DENND2C: variants seen among roughly 807,000 people sequenced by gnomAD.
The protein encoded by DENND2C is DENN domain containing 2C, also known as DENN domain-containing protein 2C.
DENND2C carries 72 observed loss-of-function variants against 112.4 expected under a neutral mutation model. The ratio of observed to expected loss-of-function variants is 0.64; its 90% CI spans 0.53 to 0.78. The LOEUF (loss-of-function observed/expected upper bound fraction) is 0.78. DENND2C is among the 30% of genes least tolerant of loss of function. DENND2C has a pLI of 0.00. For synonymous variants in DENND2C, 329 were observed against 381.6 expected (o/e 0.86, Z 1.61); for missense variants, 992 against 1,113.8 (o/e 0.89, Z 1.56).
chr1:114,667,798 A>G (rs1009366002), intron 1 of DENND2C, among the ~76,000 whole-genome samples: 1 of 152,184 alleles, frequency 6.6e-6, no homozygotes, highest in Non-Finnish European at 1.5e-5. Flanking sequence ...GACTGATTTG[A>G]ATCCTACTTT....
Position 114,583,311 on chromosome 1 carries a change from ATACTG to A in DENND2C, c.*2284_*2288del, listed in dbSNP as rs1654948152. The A allele has an allele frequency of 6.6e-6, 1 of 152,234 alleles. No individual in the cohort carries two copies. Among genetic ancestry groups the A allele is most frequent in the Non-Finnish European group, 1.5e-5 (1 of 68,046 alleles). 9.4% of individuals were successfully genotyped at this position (152,234 alleles called of 1,614,324 possible). ...CATACCTGAATGGGTTGTAATGACAATACTGTACAAGTCAATAAACTGTATCACAA... is the reference window on the plus strand; with the variant it reads ...CATACCTGAATGGGTTGTAATGACAATACAAGTCAATAAACTGTATCACAA... On this transcript the variant is annotated 3_prime_UTR_variant, in exon 21 of 21. Coordinates refer to ENST00000393274, the MANE Select transcript of DENND2C (RefSeq NM_001256404.2).
At chr1:114,601,695 C>A in intron 12 of DENND2C, 110 bp from the exon 13 acceptor site, 1 of 837,874 alleles carries the variant, frequency 1.2e-6, no homozygotes, top group Non-Finnish European at 1.9e-6. Flanking sequence ...GAGCAGTAAC[C>A]AAGGCTCTCA....
At chr1:114,606,236 AAACT>A (rs1351671549) in intron 10 of DENND2C, among the ~76,000 whole-genome samples, 1 of 152,178 alleles carries the variant, frequency 6.6e-6, no homozygotes, top group Non-Finnish European at 1.5e-5. Flanking sequence ...AAAAAAAAAC[AAACT>A]ATGTAGCCAT....
At chr1:114,618,585 T>C in intron 7 of DENND2C, 103 bp from the exon 8 acceptor site, 1 of 592,204 alleles carries the variant, frequency 1.7e-6, no homozygotes, top group South Asian at 2.9e-5. Flanking sequence ...AAAAGACCTA[T>C]TTTATAAATA....
intron 5 of DENND2C, 64 bp downstream of exon 5, chr1:114,623,443 T>C: frequency 1.3e-6 from 2 of 1,508,592 alleles, no homozygotes; most frequent in South Asian, 2.4e-5. Flanking sequence ...AATACCATCC[T>C]ACAATTAAGG....
intron 8 of DENND2C, among the ~76,000 whole-genome samples, chr1:114,616,062 A>C (rs982324029): frequency 4.0e-5 from 6 of 150,074 alleles, no homozygotes; most frequent in Non-Finnish European, 8.9e-5. Flanking sequence ...GTGACAGAGC[A>C]AGACTGTCTC....
Position 114,625,274 on chromosome 1 carries a change from G to T in DENND2C, c.711C>A (p.Tyr237Ter). ...ATTGTGCACAAGAGTTATTTTCACA[G>T]TATTTTTTGTCACAGTTTCTTTCTT... ...PYKERNCDKKYCENNSCAQSS... is the reference protein window; with the variant it reads ...PYKERNCDKK The change falls in exon 4 of 21, where the codon TAC becomes TAA. Residue 237 changes from tyrosine to a stop codon, truncating the protein, a stop_gained. Transcript: ENST00000393274. LOFTEE classifies it high-confidence loss of function. The T allele has an allele frequency of 6.2e-7, 1 of 1,614,148 alleles. No individual in the cohort carries two copies. Among genetic ancestry groups the T allele is most frequent in the Non-Finnish European group, 8.5e-7 (1 of 1,180,010 alleles).
intron 3 of DENND2C, among the ~76,000 whole-genome samples, chr1:114,642,954 T>C (rs112672825): frequency 2.3e-3 from 345 of 152,322 alleles, no homozygotes; most frequent in African/African-American, 7.9e-3. Context: ...TCACTCCTTT[T>C]GTGTGCTTCT....
At chr1:114,666,190 C>T (rs1386093885) in intron 1 of DENND2C, among the ~76,000 whole-genome samples, 1 of 152,140 alleles carries the variant, frequency 6.6e-6, no homozygotes, top group Non-Finnish European at 1.5e-5. Flanking sequence ...CCTCTCCATC[C>T]CTATTACTAT....
chr1:114,594,852 C>A (rs377229315), intron 17 of DENND2C, among the ~76,000 whole-genome samples: 1 of 152,178 alleles, frequency 6.6e-6, no homozygotes, highest in East Asian at 1.9e-4. Context: ...TTATGAAGAT[C>A]ATCCACAAAT....
chr1:114,623,586 A>C lies in DENND2C; in HGVS notation c.864T>G (p.Ile288Met), dbSNP rs1167082056. The C allele has an allele frequency of 6.2e-7, 1 of 1,609,962 alleles. No individual in the cohort carries two copies. The highest frequency in any genetic ancestry group is 2.2e-5 in the East Asian group (1 of 44,496). Residue 288 changes from isoleucine (I) to methionine (M), a missense_variant, in exon 5 of 21, where the codon ATT becomes ATG. Around this residue, in one of 3 missense-constraint regions of DENND2C, gnomAD observed 470 missense variants for 472.7 expected, o/e 0.99. Coordinates refer to ENST00000393274, the MANE Select transcript of DENND2C (RefSeq NM_001256404.2). ...CAGAATTTCTTCCAAGTTCTTCACG[A>C]ATCGTCTGTGAGTTCCGATTTCGAA... Reference protein sequence around the residue: ...QHFRNRNSQTIREELGRNSGS... With the variant: ...QHFRNRNSQTMREELGRNSGS...
At chr1:114,632,560 T>C (rs887406041) in intron 3 of DENND2C, among the ~76,000 whole-genome samples, 1 of 152,158 alleles carries the variant, frequency 6.6e-6, no homozygotes, top group Non-Finnish European at 1.5e-5. Context: ...CAGTTAAACA[T>C]AAGCTGTAAA....
At chr1:114,595,023 G>A (rs2101643689) in intron 17 of DENND2C, among the ~76,000 whole-genome samples, 1 of 152,232 alleles carries the variant, frequency 6.6e-6, no homozygotes, top group Non-Finnish European at 1.5e-5. Context: ...TCAATATTCA[G>A]AATAAATGGT....
At chr1:114,648,054 C>T (rs1269013362) in intron 2 of DENND2C, among the ~76,000 whole-genome samples, 3 of 151,724 alleles carry the variant, frequency 2.0e-5, no homozygotes, top group African/African-American at 4.8e-5. Flanking sequence ...GTGATCCACC[C>T]GCCTTGGCCT....
chr1:114,646,071 C>T (rs12127229), intron 2 of DENND2C, among the ~76,000 whole-genome samples: 9,446 of 151,912 alleles, frequency 0.062, 449 homozygotes, highest in Non-Finnish European at 0.093. Flanking sequence ...GGACTACAGG[C>T]GCCCGCCACC....
intron 2 of DENND2C, among the ~76,000 whole-genome samples, chr1:114,653,348 A>G (rs1339405388): frequency 1.3e-5 from 2 of 152,064 alleles, no homozygotes; most frequent in African/African-American, 4.8e-5. Context: ...AACTCAAGCA[A>G]TCCGCCTGCC....
intron 1 of DENND2C, among the ~76,000 whole-genome samples, chr1:114,662,480 G>C (rs2101699756): frequency 6.6e-6 from 1 of 152,178 alleles, no homozygotes; most frequent in Admixed American, 6.5e-5. Flanking sequence ...CATATCCTTT[G>C]TTGTAAATAT....
chr1:114,598,870 T>C (rs1256192790), intron 16 of DENND2C, among the ~76,000 whole-genome samples: 1 of 152,090 alleles, frequency 6.6e-6, no homozygotes, highest in Non-Finnish European at 1.5e-5. Flanking sequence ...TTAGTAGAGA[T>C]GGAGTTTTAC....
chr1:114,630,735 T>C (rs188553892), intron 3 of DENND2C, among the ~76,000 whole-genome samples: 29 of 152,338 alleles, frequency 1.9e-4, no homozygotes, highest in African/African-American at 7.0e-4. Flanking sequence ...TTTGGTTGAA[T>C]ACTAAGTTGC....
Sources: allele counts gnomAD v4.1 joint callset (sites outside exome capture counted in the v4.1 genomes callset), GRCh38; gene constraint gnomAD v4.1.1; regional missense constraint gnomAD v4.1.1; transcripts MANE v1.5; gene names NCBI Gene and HGNC (gene_info 2026-07-23, HGNC 2026-07-21).